Variants in DRC8 observed in about 807,000 individuals in gnomAD.
DRC8 encodes dynein regulatory complex protein 8.
chr1:245,122,239 T>C, the DRC8 span: 1 of 194,380 alleles, frequency 5.1e-6, no homozygotes, highest in Non-Finnish European at 1.1e-5. Flanking sequence ...TGTATCTTGC[T>C]TTGTCTAGCT....
the DRC8 span, among the ~76,000 whole-genome samples, chr1:245,022,735 G>T: frequency 1.3e-5 from 2 of 152,038 alleles, no homozygotes; most frequent in Admixed American, 6.6e-5. Flanking sequence ...GTGTGTGTGT[G>T]CATGTGTGTA....
the DRC8 span, among the ~76,000 whole-genome samples, chr1:244,973,762 G>A: frequency 3.9e-5 from 6 of 152,092 alleles, no homozygotes; most frequent in Non-Finnish European, 8.8e-5. Flanking sequence ...GTTCTAAAGG[G>A]GGAATAAGTT....
the DRC8 span, among the ~76,000 whole-genome samples, chr1:245,048,197 C>T: frequency 6.6e-6 from 1 of 152,070 alleles, no homozygotes; most frequent in African/African-American, 2.4e-5. Context: ...TCCACTGTGC[C>T]TTTCTTTTAC....
At chr1:245,094,839 A>G in the DRC8 span, among the ~76,000 whole-genome samples, 1 of 152,236 alleles carries the variant, frequency 6.6e-6, no homozygotes, top group Non-Finnish European at 1.5e-5. Flanking sequence ...CCTTAATTCC[A>G]CAGAAGTTAA....
At chr1:245,027,978 ACCT>A in the DRC8 span, among the ~76,000 whole-genome samples, 8 of 151,400 alleles carry the variant, frequency 5.3e-5, no homozygotes, top group African/African-American at 1.9e-4. Context: ...TGCAGCCTCG[ACCT>A]CCTGGGCTCA....
At chr1:244,983,141 G>A in the DRC8 span, among the ~76,000 whole-genome samples, 20 of 152,300 alleles carry the variant, frequency 1.3e-4, no homozygotes, top group African/African-American at 4.6e-4. Flanking sequence ...TCTGGAGTGA[G>A]GGGGTCTGGA....
chr1:245,013,051 T>C, the DRC8 span, among the ~76,000 whole-genome samples: 7 of 152,186 alleles, frequency 4.6e-5, no homozygotes. Flanking sequence ...AAGCACCTGG[T>C]AAAGTAGGAA....
At chr1:245,099,967 T>C in the DRC8 span, among the ~76,000 whole-genome samples, 1 of 152,214 alleles carries the variant, frequency 6.6e-6, no homozygotes, top group East Asian at 1.9e-4. Context: ...CCTCATAATT[T>C]TGAAGCAAAT....
chr1:244,996,248 A>T, the DRC8 span, among the ~76,000 whole-genome samples: 1 of 151,880 alleles, frequency 6.6e-6, no homozygotes, highest in African/African-American at 2.4e-5. Flanking sequence ...GGTTACCCAT[A>T]GGCAGCTGGT....
chr1:245,110,385 AAAAACAAAAC>A, the DRC8 span, among the ~76,000 whole-genome samples: 3,290 of 151,438 alleles, frequency 0.022, 121 homozygotes, highest in East Asian at 0.14. Flanking sequence ...TTCCTTCTCA[AAAAACAAAAC>A]AAAACAAAAC....
chr1:245,021,758 A>G, the DRC8 span, among the ~76,000 whole-genome samples: 1 of 151,948 alleles, frequency 6.6e-6, no homozygotes, highest in African/African-American at 2.4e-5. Context: ...CTTAAAGTAA[A>G]TAACTCAGAC....
the DRC8 span, among the ~76,000 whole-genome samples, chr1:245,120,890 C>T: frequency 1.6e-4 from 24 of 152,328 alleles, no homozygotes; most frequent in African/African-American, 5.3e-4. Context: ...CCTTGCAGGC[C>T]GCTAAAGCCT....
At chr1:245,065,073 CTTTTTTTT>C in the DRC8 span, among the ~76,000 whole-genome samples, 16 of 81,560 alleles carry the variant, frequency 2.0e-4, no homozygotes, top group African/African-American at 3.7e-4. Flanking sequence ...TAACATTCTT[CTTTTTTTT>C]TTTTTTTTTT....
At chr1:245,049,304 A>G in the DRC8 span, among the ~76,000 whole-genome samples, 1 of 152,096 alleles carries the variant, frequency 6.6e-6, no homozygotes, top group African/African-American at 2.4e-5. The surrounding 1 kb of genome is among the most constrained non-coding windows in gnomAD (Gnocchi z 4.5). Context: ...GTCTTCTAAG[A>G]CAAGAACATT....
the DRC8 span, among the ~76,000 whole-genome samples, chr1:245,114,324 G>C: frequency 6.6e-6 from 1 of 152,128 alleles, no homozygotes; most frequent in East Asian, 1.9e-4. Flanking sequence ...AATTAGCCAG[G>C]TGTGGTGGCA....
chr1:245,017,179 A>G, the DRC8 span: 17 of 1,490,696 alleles, frequency 1.1e-5, no homozygotes, highest in Non-Finnish European at 1.5e-5. Flanking sequence ...TCTGGTTATT[A>G]GAATTTTTGT....
At chr1:245,029,429 C>G in the DRC8 span, among the ~76,000 whole-genome samples, 1 of 152,142 alleles carries the variant, frequency 6.6e-6, no homozygotes, top group African/African-American at 2.4e-5. Context: ...TCCCAAGTAG[C>G]TGGGATTACA....
chr1:244,986,396 T>C, the DRC8 span, among the ~76,000 whole-genome samples: 12 of 152,246 alleles, frequency 7.9e-5, no homozygotes, highest in South Asian at 2.5e-3. Flanking sequence ...TGCACGAGGC[T>C]CCATTGTGGC....
the DRC8 span, among the ~76,000 whole-genome samples, chr1:245,023,566 G>A: frequency 6.6e-6 from 1 of 152,178 alleles, no homozygotes; most frequent in African/African-American, 2.4e-5. Flanking sequence ...TTGGAGGGGG[G>A]TGTTGTTGTT....
Sources: gnomAD v4.1 joint callset for allele counts (sites outside exome capture counted in the v4.1 genomes callset) on GRCh38, gnomAD v4.1.1 for gene constraint, Gnocchi (gnomAD v3.1) non-coding constraint, MANE v1.5 for transcripts, NCBI Gene and HGNC (gene_info 2026-07-23, HGNC 2026-07-21) for gene names.